Variants in MAP4 observed in about 807,000 individuals in gnomAD.
MAP4 encodes the protein microtubule associated protein 4.
A neutral mutation model predicts 170.2 loss-of-function variants in MAP4; 76 were observed. That is an observed-to-expected ratio of 0.45 (90% CI 0.37 to 0.54). MAP4 has a LOEUF of 0.54. Ranked by LOEUF, MAP4 falls within the 20% of genes least tolerant of loss-of-function variation. The probability of loss-of-function intolerance (pLI) is 0.00; values close to 1 mark genes in which losing one functional copy is unlikely to be tolerated. For missense variants in MAP4, 2,506 were observed against 2,748.0 expected, an observed-to-expected ratio of 0.91 and a Z score of 1.97; for synonymous variants, 909 against 994.5, an observed-to-expected ratio of 0.91 and a Z score of 1.62.
intron 3 of MAP4, chr3:47,975,214 T>G (rs1324716969): frequency 1.6e-6 from 2 of 1,259,038 alleles, no homozygotes; most frequent in Non-Finnish European, 2.0e-6. Context: ...AGAATTCATT[T>G]TGCACTTTGT....
Position 47,909,660 on chromosome 3 carries a change from T to C in MAP4, c.4761A>G (p.Pro1587=). Residue 1587 remains proline (P), a synonymous_variant, in exon 9 of 21, where the codon CCA becomes CCG. Transcript: ENST00000683076. The stretch of plus-strand genomic sequence containing the variant: ...ATCCTTCTAGGGCTCTGGCCTCTCC[T>C]GGTAGGCTCTGGTCTTCTACTGGCA... ...PGVPVEDQSL[P]GEARALEGYA... The C allele has an allele frequency of 6.2e-7, 1 of 1,614,042 alleles. No individual in the cohort carries two copies. Among genetic ancestry groups the C allele is most frequent in the Non-Finnish European group, 8.5e-7 (1 of 1,179,906 alleles).
At chr3:47,927,508 T>C (rs2100046727) in intron 4 of MAP4, among the ~76,000 whole-genome samples, 1 of 152,094 alleles carries the variant, frequency 6.6e-6, no homozygotes, top group African/African-American at 2.4e-5. Flanking sequence ...GGAGTTTCGC[T>C]CTTGTTGCCC....
intron 9 of MAP4, among the ~76,000 whole-genome samples, chr3:47,905,557 A>C (rs553217952): frequency 1.9e-4 from 29 of 151,834 alleles, no homozygotes; most frequent in African/African-American, 3.4e-4. Context: ...AAAAAAAAAA[A>C]CCCCACAAAC....
intron 1 of MAP4, among the ~76,000 whole-genome samples, chr3:48,055,844 CTCTGCCCCGCCGCCCCATCTGGGA>C (rs2100130890): frequency 1.4e-5 from 2 of 138,202 alleles, no homozygotes; most frequent in Non-Finnish European, 3.2e-5. Context: ...TGGGGAGCGC[CTCTGCCCCGCCGCCCCATCTGGGA>C]TGTGAGGAGC....
chr3:47,853,169 C>T lies in MAP4; in HGVS notation c.6880G>A (p.Glu2294Lys), dbSNP rs2046375498. 1 of 1,594,542 alleles carries T rather than the reference C, an allele frequency of 6.3e-7. No homozygotes were observed. The highest frequency in any genetic ancestry group is 1.1e-5 in the South Asian group (1 of 88,300). ...EAQTLDSQIQ[E>K]TN ...GCCGAGCCCAGCCACTTACTTGTCTCCTGGATCTGGCTGTCCAAGGTCTGG... is the reference window on the plus strand; with the variant it reads ...GCCGAGCCCAGCCACTTACTTGTCTTCTGGATCTGGCTGTCCAAGGTCTGG... The change falls in exon 20 of 21, where the codon GAG becomes AAG. Residue 2294 changes from glutamate to lysine, a missense_variant. Physicochemically the swap from Glu to Lys is moderately conservative, Grantham distance 56 (BLOSUM62 1). Coordinates refer to ENST00000683076, the MANE Select transcript of MAP4 (RefSeq NM_001385682.1).
Position 47,915,934 on chromosome 3 carries a change from T to C in MAP4, c.1876+17A>G. The C allele has an allele frequency of 1.3e-6, 2 of 1,589,024 alleles. No individual in the cohort carries two copies. The highest frequency in any genetic ancestry group is 8.6e-7 in the Non-Finnish European group (1 of 1,168,840). On this transcript the variant is annotated intron_variant, in intron 7 of 20. Coordinates refer to ENST00000683076, the MANE Select transcript of MAP4 (RefSeq NM_001385682.1). ...ACCTGGTAGAGAGAAATACTGAGAA[T>C]AAGCACAAGCACGTACCTGGTGAAA...
At chr3:47,858,599 G>C (rs1411517799) in intron 17 of MAP4, among the ~76,000 whole-genome samples, 1 of 138,488 alleles carries the variant, frequency 7.2e-6, no homozygotes, top group East Asian at 2.0e-4. Flanking sequence ...GTGTGTGTGT[G>C]TGTGTGTGTG....
At chr3:47,872,937 G>A (rs1199424058) in intron 12 of MAP4, among the ~76,000 whole-genome samples, 1 of 152,196 alleles carries the variant, frequency 6.6e-6, no homozygotes, top group African/African-American at 2.4e-5. Context: ...ATGCTGAACA[G>A]GACTGAGCTG....
At chr3:47,942,529 G>A (rs2100057162) in intron 3 of MAP4, among the ~76,000 whole-genome samples, 1 of 152,110 alleles carries the variant, frequency 6.6e-6, no homozygotes, top group African/African-American at 2.4e-5. Flanking sequence ...CCATGTAGCA[G>A]GGACTACAGG....
At chr3:47,887,432 C>T (rs1275401270) in intron 10 of MAP4, among the ~76,000 whole-genome samples, 1 of 152,230 alleles carries the variant, frequency 6.6e-6, no homozygotes, top group Admixed American at 6.5e-5. Flanking sequence ...TGAGCCTTAG[C>T]TGCTTTCCCG....
At chr3:47,955,649 A>T (rs1287377999) in intron 3 of MAP4, among the ~76,000 whole-genome samples, 1 of 152,166 alleles carries the variant, frequency 6.6e-6, no homozygotes, top group Non-Finnish European at 1.5e-5. Context: ...TGCTCAAAAC[A>T]TGTCAAAATT....
chr3:47,922,825 G>A (rs573458640), intron 4 of MAP4, among the ~76,000 whole-genome samples: 2 of 152,226 alleles, frequency 1.3e-5, no homozygotes, highest in South Asian at 2.1e-4. Flanking sequence ...CAAGGCGGGC[G>A]GATCACGAGG....
chr3:47,892,540 C>A (rs946773948), intron 10 of MAP4: 1 of 1,473,016 alleles, frequency 6.8e-7, no homozygotes, highest in Non-Finnish European at 9.0e-7. Context: ...AGCTCTAATA[C>A]CACCTACGAT....
chr3:47,881,652 G>C (rs2096787114), intron 10 of MAP4, among the ~76,000 whole-genome samples: 1 of 149,574 alleles, frequency 6.7e-6, no homozygotes, highest in Admixed American at 6.6e-5. Flanking sequence ...TTCTTTTTAA[G>C]ACAGGTGTGA....
intron 3 of MAP4, among the ~76,000 whole-genome samples, chr3:47,946,520 GGCA>G (rs2100060035): frequency 7.9e-5 from 12 of 151,450 alleles, no homozygotes; most frequent in Non-Finnish European, 1.3e-4. Flanking sequence ...CGGGTGTTGT[GGCA>G]CAAACCTATA....
At chr3:47,864,809 G>C (rs1461126378) in intron 17 of MAP4, among the ~76,000 whole-genome samples, 1 of 152,250 alleles carries the variant, frequency 6.6e-6, no homozygotes, top group African/African-American at 2.4e-5. Flanking sequence ...AGAGGTTGCA[G>C]TGAGCCGAGA....
intron 1 of MAP4, among the ~76,000 whole-genome samples, chr3:48,013,043 C>A (rs879864284): frequency 6.6e-6 from 1 of 151,610 alleles, no homozygotes; most frequent in Non-Finnish European, 1.5e-5. Context: ...TTATTTTATT[C>A]TGAAACATGT....
chr3:47,975,417 A>G, intron 3 of MAP4: 1 of 1,562,678 alleles, frequency 6.4e-7, no homozygotes. Flanking sequence ...AGGAAAGATC[A>G]CTGGTCTGGT....
intron 9 of MAP4, among the ~76,000 whole-genome samples, chr3:47,908,358 G>A (rs1485555667): frequency 6.6e-6 from 1 of 152,148 alleles, no homozygotes; most frequent in Non-Finnish European, 1.5e-5. Flanking sequence ...GACTATGTTT[G>A]ATGGACACAG....
Sources: allele counts gnomAD v4.1 joint callset (sites outside exome capture counted in the v4.1 genomes callset), GRCh38; gene constraint gnomAD v4.1.1; transcripts MANE v1.5; gene names NCBI Gene and HGNC (gene_info 2026-07-23, HGNC 2026-07-21).